SLMAP: variants seen among roughly 807,000 people sequenced by gnomAD.
SLMAP encodes the protein sarcolemmal membrane-associated protein.
A neutral mutation model predicts 128.8 loss-of-function variants in SLMAP; 44 were observed. The observed-to-expected ratio is 0.34, with a 90% CI of 0.27 to 0.44. The LOEUF (loss-of-function observed/expected upper bound fraction) is 0.44, where lower values mean the gene tolerates loss of function less well. Among genes scored for constraint, SLMAP ranks in the 20% least tolerant of loss-of-function variants. The pLI is 1.00. For missense variants in SLMAP, 787 were observed against 985.3 expected, an observed-to-expected ratio of 0.80 and a Z score of 2.69; for synonymous variants, 327 against 348.8, an observed-to-expected ratio of 0.94 and a Z score of 0.70.
At chr3:57,785,040 T>G (rs568486108) in intron 2 of SLMAP, among the ~76,000 whole-genome samples, 104 of 152,278 alleles carry the variant, frequency 6.8e-4, no homozygotes, top group African/African-American at 2.4e-3. Context: ...TATATATATA[T>G]AGTTATAAAG....
chr3:57,787,761 G>C (rs1392445900), intron 2 of SLMAP, among the ~76,000 whole-genome samples: 1 of 152,220 alleles, frequency 6.6e-6, no homozygotes, highest in African/African-American at 2.4e-5. Flanking sequence ...ACAGGCGTGA[G>C]CCACCATGCC....
intron 15 of SLMAP, among the ~76,000 whole-genome samples, chr3:57,892,403 T>A (rs2096102303): frequency 1.3e-5 from 2 of 152,160 alleles, no homozygotes; most frequent in South Asian, 4.1e-4. Flanking sequence ...AGTCATTACA[T>A]GTCTATATAT....
At position 57,757,365 on chromosome 3, in the gene SLMAP, G is replaced by GT; in HGVS notation, c.-284dup. ...GTTTTCTTGGCCGAAGCTGCCCGAT[G>GT]TTTGAGCCTTTTCTTCCCAGAGAAG... On this transcript the variant is annotated 5_prime_UTR_variant, in exon 2 of 25. An upstream open reading frame in the 5' UTR loses its in-frame stop. Coordinates refer to ENST00000671191, the MANE Select transcript of SLMAP (RefSeq NM_001377540.1). The GT allele has an allele frequency of 2.1e-6, 1 of 486,784 alleles. No homozygotes were observed. Among genetic ancestry groups the GT allele is most frequent in the South Asian group, 2.2e-5 (1 of 45,966 alleles). 30.2% of individuals were successfully genotyped at this position (486,784 alleles called of 1,614,324 possible). A position where few individuals can be genotyped will look rare whatever the true frequency, so the allele number is the denominator to read the frequency against.
At chr3:57,847,162 G>A (rs778039947) in intron 4 of SLMAP, 35 bp from the exon 5 acceptor site, 1 of 1,447,908 alleles carries the variant, frequency 6.9e-7, no homozygotes, top group Non-Finnish European at 9.6e-7. Flanking sequence ...CTATTGTCCG[G>A]ATATTAGATA....
At chr3:57,909,833 A>G (rs1033830870) in intron 19 of SLMAP, among the ~76,000 whole-genome samples, 2 of 151,504 alleles carry the variant, frequency 1.3e-5, no homozygotes, top group African/African-American at 4.8e-5. Context: ...GCTGATCTCA[A>G]ACTCCCAACC....
chr3:57,821,470 C>T (rs1378110472), intron 2 of SLMAP, among the ~76,000 whole-genome samples: 3 of 152,154 alleles, frequency 2.0e-5, no homozygotes, highest in Admixed American at 6.5e-5. Context: ...ATTTTTATTT[C>T]TCCCTTCAGT....
chr3:57,890,032 C>G lies in SLMAP; in HGVS notation c.1301-9C>G. The G allele has an allele frequency of 6.2e-7, 1 of 1,605,912 alleles. No homozygotes were observed. The highest frequency in any genetic ancestry group is 8.5e-7 in the Non-Finnish European group (1 of 1,172,604). ...GGGCTTGGATGGTAACGTTTATTTT[C>G]CTTGGCAGAGAAGCTGATCGTCGAA... On this transcript the variant is annotated splice_polypyrimidine_tract_variant and intron_variant, in intron 14 of 24. Transcript: ENST00000671191.
intron 2 of SLMAP, among the ~76,000 whole-genome samples, chr3:57,764,215 G>C (rs535395907): frequency 6.6e-6 from 1 of 151,972 alleles, no homozygotes; most frequent in African/African-American, 2.4e-5. Flanking sequence ...GTTTAAGAAA[G>C]AGTGGGCCGG....
At chr3:57,923,080 T>G (rs941482788) in intron 23 of SLMAP, 57 bp downstream of exon 23, 23 of 1,545,122 alleles carry the variant, frequency 1.5e-5, no homozygotes, top group Middle Eastern at 3.4e-4. Context: ...GAGATTGAAA[T>G]TGATTTTCAG....
In SLMAP at chr3:57,784,386, G is replaced by A. The variant is rs146002867; in HGVS notation, c.198+26537G>A. Among the ~76,000 whole-genome samples the A allele has an allele frequency of 8.5e-5, 13 of 152,256 alleles. No individual in the cohort carries two copies. The East Asian group carries it at 1.2e-3, about 14-fold the overall frequency. ...GTGTGCCCAGGATTTTGGACATGGC[G>A]TCAAAGGAGATTCTTCTCCAGCTTT... is the stretch of plus-strand genomic sequence containing the variant. On this transcript the variant is annotated intron_variant, in intron 2 of 24. Coordinates refer to ENST00000671191, the MANE Select transcript of SLMAP (RefSeq NM_001377540.1).
intron 13 of SLMAP, among the ~76,000 whole-genome samples, chr3:57,866,084 T>C (rs922158359): frequency 6.6e-6 from 1 of 152,182 alleles, no homozygotes; most frequent in African/African-American, 2.4e-5. Context: ...GTCGAAGATA[T>C]CAGAGTTGAT....
intron 3 of SLMAP, among the ~76,000 whole-genome samples, chr3:57,834,058 G>T (rs925658462): frequency 6.6e-5 from 10 of 152,024 alleles, no homozygotes; most frequent in Non-Finnish European, 1.3e-4. Flanking sequence ...AATCAAAAGG[G>T]AAATTTCACA....
chr3:57,909,192 T>G (rs1263806154), intron 19 of SLMAP, 42 bp downstream of exon 19: 1 of 1,446,078 alleles, frequency 6.9e-7, no homozygotes, highest in South Asian at 1.2e-5. Flanking sequence ...TTATTGTGTG[T>G]TTGTTTTTAG....
At chr3:57,877,119 G>C (rs1355589506) in intron 14 of SLMAP, among the ~76,000 whole-genome samples, 1 of 151,412 alleles carries the variant, frequency 6.6e-6, no homozygotes, top group East Asian at 1.9e-4. Flanking sequence ...ACTTTTTGTT[G>C]TTATTAGTTT....
At chr3:57,795,187 C>T (rs550359382) in intron 2 of SLMAP, among the ~76,000 whole-genome samples, 14 of 152,316 alleles carry the variant, frequency 9.2e-5, no homozygotes, top group Admixed American at 9.1e-4. Flanking sequence ...AGCATCATTT[C>T]ATGTCCTTAT....
At chr3:57,850,384 A>G (rs1440723731) in intron 6 of SLMAP, among the ~76,000 whole-genome samples, 1 of 152,148 alleles carries the variant, frequency 6.6e-6, no homozygotes, top group East Asian at 1.9e-4. Flanking sequence ...TTTTTGTTCA[A>G]GTATGAGGAG....
chr3:57,823,085 A>G (rs916663135), intron 2 of SLMAP, among the ~76,000 whole-genome samples: 8 of 152,196 alleles, frequency 5.3e-5, no homozygotes, highest in Non-Finnish European at 1.0e-4. Context: ...ATTAAAAAGC[A>G]TACAAGAAAG....
chr3:57,913,311 ATTTC>A, intron 21 of SLMAP, 36 bp downstream of exon 21: 2 of 871,626 alleles, frequency 2.3e-6, no homozygotes, highest in Admixed American at 2.2e-5. Flanking sequence ...GATATAAAAT[ATTTC>A]TTTATCTTAA....
In SLMAP at chr3:57,840,176, A is replaced by T. The variant is rs1167917227; in HGVS notation, c.347-1123A>T. Among the ~76,000 whole-genome samples the T allele has an allele frequency of 2.0e-5, 3 of 151,978 alleles. No individual in the cohort carries two copies. The East Asian group carries it at 5.8e-4, about 29-fold the overall frequency. On this transcript the variant is annotated intron_variant, in intron 3 of 24. Transcript: ENST00000671191. Reference sequence around the variant, plus strand: ...ACCATGTTGGCCAGGCTGGTCTCAAACTCCTGACCTCAGGTGATCCATCCA... The same window carrying T: ...ACCATGTTGGCCAGGCTGGTCTCAATCTCCTGACCTCAGGTGATCCATCCA...
Sources: gnomAD v4.1 joint callset for allele counts (sites outside exome capture counted in the v4.1 genomes callset) on GRCh38, gnomAD v4.1.1 for gene constraint, MANE v1.5 for transcripts, NCBI Gene and HGNC (gene_info 2026-07-23, HGNC 2026-07-21) for gene names.